BBS7: variants seen among roughly 807,000 people sequenced by gnomAD.
The protein encoded by BBS7 is Bardet-Biedl syndrome 7.
A neutral mutation model predicts 90.3 loss-of-function variants in BBS7; 50 were observed. The observed-to-expected ratio is 0.55, with a 90% CI of 0.44 to 0.70. The LOEUF (loss-of-function observed/expected upper bound fraction) is 0.70. Ranked by LOEUF, BBS7 falls within the 30% of genes least tolerant of loss-of-function variation. BBS7 has a pLI of 0.00. For synonymous variants in BBS7, 235 were observed against 287.4 expected (o/e 0.82, Z 1.85); for missense variants, 729 against 838.9 (o/e 0.87, Z 1.62).
intron 11 of BBS7, among the ~76,000 whole-genome samples, chr4:121,844,945 T>C (rs764300006): frequency 6.6e-6 from 1 of 152,246 alleles, no homozygotes; most frequent in Non-Finnish European, 1.5e-5. Context: ...CTGTCTTTTC[T>C]AACTCTTCTT....
chr4:121,832,600 C>T (rs985012895), intron 15 of BBS7, among the ~76,000 whole-genome samples: 1 of 151,966 alleles, frequency 6.6e-6, no homozygotes, highest in Non-Finnish European at 1.5e-5. Context: ...GGTGGAGGAG[C>T]GAGGGGTGCA....
intron 3 of BBS7, 110 bp from the exon 4 acceptor site, chr4:121,861,789 A>G: frequency 2.0e-6 from 2 of 1,016,452 alleles, no homozygotes; most frequent in East Asian, 2.6e-5. Flanking sequence ...TTATAGTTCC[A>G]CTATATAGAA....
intron 8 of BBS7, 140 bp from the exon 9 acceptor site, chr4:121,849,068 G>C: frequency 3.5e-6 from 2 of 568,388 alleles, no homozygotes; most frequent in African/African-American, 1.9e-5. Flanking sequence ...ACTCAGATTA[G>C]AAAGACAAAA....
chr4:121,857,808 C>CTTTTTTTTTT (rs5861541), intron 5 of BBS7, among the ~76,000 whole-genome samples: 1 of 132,394 alleles, frequency 7.6e-6, no homozygotes, highest in African/African-American at 2.8e-5. Context: ...TTTTTCTTTT[C>CTTTTTTTTTT]TTTTTTTTTT....
At chr4:121,849,050 G>C (rs890159018) in intron 8 of BBS7, 122 bp from the exon 9 acceptor site, 8 of 707,968 alleles carry the variant, frequency 1.1e-5, no homozygotes, top group African/African-American at 8.9e-5. Context: ...GAATGTTTAT[G>C]TGCAGACACT....
At position 121,845,492 on chromosome 4, in the gene BBS7, C is replaced by T. The variant is rs1427269308; in HGVS notation, c.1230+12G>A. Reference sequence around the variant, plus strand: ...CCAGTCATAAAACTAAGAAATTAGACATTTTGCTTACCTGTATTAAGACAT... The same window carrying T: ...CCAGTCATAAAACTAAGAAATTAGATATTTTGCTTACCTGTATTAAGACAT... On this transcript the variant is annotated intron_variant, in intron 11 of 18. Coordinates refer to ENST00000264499, the MANE Select transcript of BBS7 (RefSeq NM_176824.3). 2 of 1,601,730 alleles carry T rather than the reference C, an allele frequency of 1.2e-6. No individual in the cohort carries two copies. Among genetic ancestry groups the T allele is most frequent in the African/African-American group, 2.7e-5 (2 of 74,566 alleles).
intron 4 of BBS7, 177 bp downstream of exon 4, chr4:121,861,327 T>A: frequency 3.4e-6 from 2 of 593,608 alleles, no homozygotes; most frequent in Non-Finnish European, 5.6e-6. Context: ...TTTAAAAAAA[T>A]TTCAACAACC....
chr4:121,834,839 T>G (rs1222076518), intron 14 of BBS7, among the ~76,000 whole-genome samples: 1 of 152,140 alleles, frequency 6.6e-6, no homozygotes, highest in Non-Finnish European at 1.5e-5. Flanking sequence ...CAGAGAACTA[T>G]TATACTATCT....
At chr4:121,847,978 G>A (rs919213267) in intron 9 of BBS7, among the ~76,000 whole-genome samples, 18 of 151,944 alleles carry the variant, frequency 1.2e-4, no homozygotes, top group African/African-American at 4.4e-4. Flanking sequence ...TATAAGACAT[G>A]TACATAGTCC....
intron 15 of BBS7, among the ~76,000 whole-genome samples, chr4:121,832,815 A>C (rs574692694): frequency 1.3e-5 from 2 of 152,344 alleles, no homozygotes; most frequent in African/African-American, 4.8e-5. Flanking sequence ...CAATGTCTTC[A>C]TATTGATGAC....
At chr4:121,861,334 A>C in intron 4 of BBS7, 170 bp downstream of exon 4, 1 of 623,646 alleles carries the variant, frequency 1.6e-6, no homozygotes. Flanking sequence ...AAATTTCAAC[A>C]ACCAATTTAA....
At chr4:121,848,703 G>T in intron 9 of BBS7, 141 bp downstream of exon 9, 1 of 654,586 alleles carries the variant, frequency 1.5e-6, no homozygotes, top group Non-Finnish European at 2.6e-6. Flanking sequence ...GCTTCCACTG[G>T]GGGTCTTGGA....
At chr4:121,850,614 T>A (rs1417769125) in intron 8 of BBS7, among the ~76,000 whole-genome samples, 1 of 152,244 alleles carries the variant, frequency 6.6e-6, no homozygotes, top group African/African-American at 2.4e-5. Flanking sequence ...TGTGTCATAC[T>A]CTGATATGTT....
chr4:121,852,530 G>A (rs1726375986), intron 8 of BBS7, among the ~76,000 whole-genome samples: 1 of 151,954 alleles, frequency 6.6e-6, no homozygotes, highest in Non-Finnish European at 1.5e-5. Flanking sequence ...GGGTAGGAGT[G>A]AAACTGCTAC....
At chr4:121,835,507 A>G (rs934128049) in intron 13 of BBS7, among the ~76,000 whole-genome samples, 1 of 152,164 alleles carries the variant, frequency 6.6e-6, no homozygotes, top group African/African-American at 2.4e-5. Context: ...AACTTCTCTA[A>G]TCTAATTAAT....
intron 4 of BBS7, chr4:121,861,293 G>T (rs1248014739): frequency 1.2e-5 from 5 of 404,132 alleles, no homozygotes; most frequent in Non-Finnish European, 2.2e-5. Flanking sequence ...TGTCAAAAAT[G>T]ATTGTATAAA....
chr4:121,835,386 T>C, intron 13 of BBS7, 103 bp from the exon 14 acceptor site: 1 of 1,334,028 alleles, frequency 7.5e-7, no homozygotes, highest in Non-Finnish European at 1.0e-6. Flanking sequence ...TTCACTAATA[T>C]GTGAAGACCT....
chr4:121,836,547 G>T (rs1560644889), intron 13 of BBS7, among the ~76,000 whole-genome samples: 1 of 152,102 alleles, frequency 6.6e-6, no homozygotes, highest in East Asian at 1.9e-4. Context: ...CTTTATAGTA[G>T]CTGTATAATA....
chr4:121,835,052 T>C (rs1220395302), intron 14 of BBS7, 92 bp downstream of exon 14: 19 of 1,308,734 alleles, frequency 1.5e-5, no homozygotes, highest in Admixed American at 6.1e-5. Context: ...AAAGTAGAAA[T>C]TGCTAACAGA....
Sources: allele counts gnomAD v4.1 joint callset (sites outside exome capture counted in the v4.1 genomes callset), GRCh38; gene constraint gnomAD v4.1.1; transcripts MANE v1.5; gene names NCBI Gene and HGNC (gene_info 2026-07-23, HGNC 2026-07-21).